Variants in RAB23 observed in about 807,000 individuals in gnomAD.
RAB23 encodes ras-related protein Rab-23.
Under a neutral mutation model 30.0 loss-of-function variants are expected in RAB23, and 15 were observed. The observed-to-expected ratio is 0.50, with a 90% confidence interval of 0.33 to 0.77. The LOEUF is 0.77. RAB23 is among the 30% of genes least tolerant of loss of function. RAB23 has a pLI of 0.02. For synonymous variants in RAB23, 93 were observed against 94.0 expected (o/e 0.99, Z 0.06); for missense variants, 243 against 275.4 (o/e 0.88, Z 0.83).
chr6:57,193,838 T>TTA lies in RAB23; in HGVS notation c.574+2_574+3dup. ...ACATGGGCTAAAATTTCCTATGTAC[T>TTA]TACCAATCTTGTTACTACTTGAATG... On this transcript the variant is annotated splice_donor_region_variant and intron_variant, in intron 6 of 6. Coordinates refer to ENST00000468148, the MANE Select transcript of RAB23 (RefSeq NM_016277.5). The TTA allele has an allele frequency of 6.2e-7, 1 of 1,612,652 alleles. No individual in the cohort carries two copies. Among genetic ancestry groups the TTA allele is most frequent in the Non-Finnish European group, 8.5e-7 (1 of 1,179,154 alleles).
intron 3 of RAB23, among the ~76,000 whole-genome samples, chr6:57,201,159 C>G (rs1054567337): frequency 6.6e-6 from 1 of 151,168 alleles, no homozygotes; most frequent in African/African-American, 2.4e-5. Flanking sequence ...TCTTGGCTCA[C>G]GGCAGCCTCT....
chr6:57,192,773 T>C (rs2127997274), intron 6 of RAB23, among the ~76,000 whole-genome samples: 1 of 152,226 alleles, frequency 6.6e-6, no homozygotes, highest in Non-Finnish European at 1.5e-5. Flanking sequence ...GGCAGGCAGA[T>C]ACACAACTGA....
At chr6:57,192,869 A>T (rs1277678718) in intron 6 of RAB23, among the ~76,000 whole-genome samples, 3 of 152,182 alleles carry the variant, frequency 2.0e-5, no homozygotes, top group Non-Finnish European at 4.4e-5. Context: ...AAAAAAAATG[A>T]CCAAAAGTGA....
At chr6:57,209,390 T>C (rs901501761) in intron 2 of RAB23, among the ~76,000 whole-genome samples, 2 of 152,152 alleles carry the variant, frequency 1.3e-5, no homozygotes. Flanking sequence ...TTTCAGGTAA[T>C]AAGTATAAAA....
At chr6:57,205,744 A>C (rs1313209770) in intron 3 of RAB23, among the ~76,000 whole-genome samples, 1 of 152,174 alleles carries the variant, frequency 6.6e-6, no homozygotes, top group Non-Finnish European at 1.5e-5. Context: ...ACAAGTGAGG[A>C]ATCAGCAGAT....
At position 57,221,979 on chromosome 6, in the gene RAB23, A is replaced by C. The variant is rs1262435742; in HGVS notation, c.-319T>G. ...GAACCCCCAGCCCCTGGAGAGGGCG[A>C]GTGAGTGCAGCGCCGCTGCACCGCA... On this transcript the variant is annotated 5_prime_UTR_variant, in exon 1 of 7. Transcript: ENST00000468148. 6 of 152,198 alleles carry C rather than the reference A, an allele frequency of 3.9e-5. No homozygotes were observed. The highest frequency in any genetic ancestry group is 7.3e-5 in the Non-Finnish European group (5 of 68,144). The allele number at this position is 152,198 out of a possible 1,614,324, so 9.4% of individuals were successfully genotyped here. A position where few individuals can be genotyped will look rare whatever the true frequency, so the allele number is the denominator to read the frequency against.
In RAB23 at chr6:57,187,930, T is replaced by TAA. The variant is rs1304619284; in HGVS notation, c.*2529_*2530dup. 6.6e-6 allele frequency: 1 copy of TAA among 152,020 alleles called. No individual in the cohort carries two copies. The highest frequency in any genetic ancestry group is 1.9e-4 in the East Asian group (1 of 5,204). The allele number at this position is 152,020 out of a possible 1,614,324, so 9.4% of individuals were successfully genotyped here. A position where few individuals can be genotyped will look rare whatever the true frequency, so the allele number is the denominator to read the frequency against. On this transcript the variant is annotated 3_prime_UTR_variant, in exon 7 of 7. Transcript: ENST00000468148. ...GGAAATCATTTAACCTGGTTTTATT[T>TAA]AACTATATTGCCTTATATGGGTCAT...
At chr6:57,215,899 G>A (rs571236388) in intron 1 of RAB23, among the ~76,000 whole-genome samples, 29 of 152,144 alleles carry the variant, frequency 1.9e-4, no homozygotes, top group Non-Finnish European at 3.8e-4. Flanking sequence ...GGAGGTACGG[G>A]TTCCACACTT....
chr6:57,208,806 T>C (rs1411254648), intron 2 of RAB23, among the ~76,000 whole-genome samples: 2 of 152,134 alleles, frequency 1.3e-5, no homozygotes, highest in African/African-American at 4.8e-5. Flanking sequence ...AAGGGAAACA[T>C]AGGGTTAGGT....
At chr6:57,203,000 G>GTTTT (rs1170559704) in intron 3 of RAB23, among the ~76,000 whole-genome samples, 4,255 of 82,594 alleles carry the variant, frequency 0.052, 469 homozygotes, top group Non-Finnish European at 0.074. Context: ...AAGATAGGCT[G>GTTTT]TTTTTTTTTT....
intron 1 of RAB23, among the ~76,000 whole-genome samples, chr6:57,213,214 C>A (rs541533012): frequency 6.6e-6 from 1 of 152,114 alleles, no homozygotes; most frequent in Admixed American, 6.5e-5. Context: ...TGACAGGAGG[C>A]GGAGCTCAGG....
chr6:57,222,303 A>G lies in RAB23; in HGVS notation c.-643T>C, dbSNP rs1766101040. 1 of 152,074 alleles carries G rather than the reference A, an allele frequency of 6.6e-6. No homozygotes were observed. The highest frequency in any genetic ancestry group is 6.5e-5 in the Admixed American group (1 of 15,280). 9.4% of individuals were successfully genotyped at this position (152,074 alleles called of 1,614,324 possible). A position where few individuals can be genotyped will look rare whatever the true frequency, so the allele number is the denominator to read the frequency against. On this transcript the variant is annotated 5_prime_UTR_variant, in exon 1 of 7. Coordinates refer to ENST00000468148, the MANE Select transcript of RAB23 (RefSeq NM_016277.5). ...CATCTGTGGACCCGCCGCGCTGCGG[A>G]GCATGCGCCGTGCTTCGTCTGCGCA... is the stretch of plus-strand genomic sequence containing the variant.
In RAB23 at chr6:57,210,341, C is replaced by A; in HGVS notation, c.40G>T (p.Val14Phe). The change falls in exon 2 of 7, where the codon GTT (valine) becomes TTT (phenylalanine). Residue 14 changes from valine to phenylalanine, a missense_variant. Physicochemically the swap from Val to Phe is conservative, Grantham distance 50 (BLOSUM62 -1). Coordinates refer to ENST00000468148, the MANE Select transcript of RAB23 (RefSeq NM_016277.5). ...EDMEVAIKMVVVGNGAVGKSS... is the reference protein window; with the variant it reads ...EDMEVAIKMVFVGNGAVGKSS... The stretch of plus-strand genomic sequence containing the variant: ...TTTCCAACTGCTCCATTCCCTACAA[C>A]CACCATCTTTATGGCGACTTCCATA... The A allele has an allele frequency of 6.2e-7, 1 of 1,614,092 alleles. No homozygotes were observed.
At chr6:57,203,810 T>C (rs984777733) in intron 3 of RAB23, among the ~76,000 whole-genome samples, 5 of 152,176 alleles carry the variant, frequency 3.3e-5, no homozygotes, top group African/African-American at 1.2e-4. Context: ...TAGACCATGA[T>C]ACAGGTGCTC....
intron 3 of RAB23, among the ~76,000 whole-genome samples, chr6:57,200,585 T>TC (rs1765218416): frequency 1.4e-5 from 2 of 147,252 alleles, no homozygotes; most frequent in African/African-American, 5.0e-5. Flanking sequence ...AGTACTGTAC[T>TC]CCAAACCCTT....
At chr6:57,204,549 T>C (rs1480186318) in intron 3 of RAB23, among the ~76,000 whole-genome samples, 1 of 152,206 alleles carries the variant, frequency 6.6e-6, no homozygotes, top group Non-Finnish European at 1.5e-5. Context: ...TATCATCTGT[T>C]GTTTGGGACT....
intron 1 of RAB23, among the ~76,000 whole-genome samples, chr6:57,217,121 CA>C (rs1257268976): frequency 1.4e-5 from 2 of 148,014 alleles, no homozygotes; most frequent in African/African-American, 5.0e-5. Flanking sequence ...AAATCAATAA[CA>C]GAAAGATAAA....
At chr6:57,218,549 A>G (rs1312177231) in intron 1 of RAB23, among the ~76,000 whole-genome samples, 1 of 152,150 alleles carries the variant, frequency 6.6e-6, no homozygotes, top group Non-Finnish European at 1.5e-5. Context: ...GACTTCTTCA[A>G]CCTGGTAAAA....
chr6:57,206,140 G>A (rs1225497652), intron 3 of RAB23, among the ~76,000 whole-genome samples: 1 of 152,146 alleles, frequency 6.6e-6, no homozygotes, highest in African/African-American at 2.4e-5. Flanking sequence ...TAACTGGGTT[G>A]GGCATTTTGC....
Sources: allele counts gnomAD v4.1 joint callset (sites outside exome capture counted in the v4.1 genomes callset), GRCh38; gene constraint gnomAD v4.1.1; transcripts MANE v1.5; gene names NCBI Gene and HGNC (gene_info 2026-07-23, HGNC 2026-07-21).